NTNG1: variants seen among roughly 807,000 people sequenced by gnomAD.
NTNG1 encodes the protein netrin G1, also known as netrin-G1.
Under a neutral mutation model 54.0 loss-of-function variants are expected in NTNG1, and 16 were observed. The observed-to-expected ratio is 0.30, with a 90% CI of 0.20 to 0.45. The LOEUF is 0.45. NTNG1 is among the 20% of genes least tolerant of loss of function. The pLI, the probability that NTNG1 is intolerant of heterozygous loss-of-function variation, is 1.00. For missense variants in NTNG1, 530 were observed against 678.7 expected (o/e 0.78, Z 2.43); for synonymous variants, 255 against 263.1 (o/e 0.97, Z 0.30).
At chr1:107,168,586 A>G (rs146864142) in intron 2 of NTNG1, among the ~76,000 whole-genome samples, 30 of 152,236 alleles carry the variant, frequency 2.0e-4, no homozygotes, top group African/African-American at 4.6e-4. Context: ...GGACAACAAA[A>G]TAAACCCAAT....
rs1678701169 is a variant in NTNG1, at chr1:107,481,333, G to A, written c.*493G>A. 6.4e-6 allele frequency: 1 copy of A among 156,250 alleles called. No individual in the cohort carries two copies. The highest frequency in any genetic ancestry group is 2.0e-4 in the South Asian group (1 of 4,938). The allele number at this position is 156,250 out of a possible 1,614,324, so 9.7% of individuals were successfully genotyped here. A position where few individuals can be genotyped will look rare whatever the true frequency, so the allele number is the denominator to read the frequency against. ...TCCGTCCCTGAATCCCTTCCAACCTGTGCTTTAGTGAACGTTGCTCTGTAA... is the reference window on the plus strand; with the variant it reads ...TCCGTCCCTGAATCCCTTCCAACCTATGCTTTAGTGAACGTTGCTCTGTAA... On this transcript the variant is annotated 3_prime_UTR_variant, in exon 8 of 8. Coordinates refer to ENST00000370068, the MANE Select transcript of NTNG1 (RefSeq NM_001113226.3).
At chr1:107,419,084 G>A (rs777171659) in intron 5 of NTNG1, among the ~76,000 whole-genome samples, 17 of 151,880 alleles carry the variant, frequency 1.1e-4, no homozygotes, top group Non-Finnish European at 2.4e-4. Flanking sequence ...ATCTGTTTTC[G>A]CTGACTATTG....
chr1:107,219,898 A>G (rs1466455867), intron 2 of NTNG1, among the ~76,000 whole-genome samples: 7 of 152,132 alleles, frequency 4.6e-5, no homozygotes, highest in Admixed American at 2.0e-4. Flanking sequence ...GGCACTTTTA[A>G]GAGCACATTA....
rs190196909 is a variant in NTNG1, at chr1:107,206,546, C to T, written c.246+57707C>T. On this transcript the variant is annotated intron_variant, in intron 2 of 7. Transcript: ENST00000370068. ...ATCTCTCAAAATCTGCCATGATGTT[C>T]TTCTCATGTGCCTTTCACCCAGTGT... is the stretch of plus-strand genomic sequence containing the variant. 2.7e-3 allele frequency among the ~76,000 whole-genome samples: 416 copies of T among 152,202 alleles called. 2 individuals carry two copies. Among genetic ancestry groups the T allele is most frequent in the Non-Finnish European group, 4.9e-3 (332 of 68,004 alleles).
At chr1:107,351,332 A>T (rs1048274947) in intron 3 of NTNG1, among the ~76,000 whole-genome samples, 2 of 152,204 alleles carry the variant, frequency 1.3e-5, no homozygotes, top group East Asian at 3.8e-4. Flanking sequence ...ATTTATAAAG[A>T]AAAGATGTTC....
intron 5 of NTNG1, among the ~76,000 whole-genome samples, chr1:107,426,427 C>G (rs559202855): frequency 6.6e-6 from 1 of 152,066 alleles, no homozygotes; most frequent in East Asian, 1.9e-4. Flanking sequence ...GAATAGGGTG[C>G]TTTTCCCCAT....
At chr1:107,247,082 AGGCTCTGGT>A (rs1662252736) in intron 2 of NTNG1, among the ~76,000 whole-genome samples, 1 of 152,186 alleles carries the variant, frequency 6.6e-6, no homozygotes, top group African/African-American at 2.4e-5. Context: ...GACCACTGTG[AGGCTCTGGT>A]GGAAGAAGCC....
At chr1:107,350,735 C>T (rs1669550383) in intron 3 of NTNG1, among the ~76,000 whole-genome samples, 1 of 151,996 alleles carries the variant, frequency 6.6e-6, no homozygotes, top group African/African-American at 2.4e-5. Context: ...GAAATATAAG[C>T]CAGGCACAGA....
chr1:107,290,996 T>C (rs1029295025), intron 2 of NTNG1, among the ~76,000 whole-genome samples: 16 of 144,882 alleles, frequency 1.1e-4, no homozygotes, highest in Non-Finnish European at 4.5e-5. Flanking sequence ...CACACACACA[T>C]ACATACACAC....
At chr1:107,279,643 C>A (rs56725515) in intron 2 of NTNG1, among the ~76,000 whole-genome samples, 15,086 of 152,134 alleles carry the variant, frequency 0.099, 889 homozygotes, top group South Asian at 0.2. Context: ...TAGCTTCCTC[C>A]AAAGAAAAAT....
At chr1:107,476,586 C>T (rs1395841711) in intron 7 of NTNG1, among the ~76,000 whole-genome samples, 2 of 152,170 alleles carry the variant, frequency 1.3e-5, no homozygotes, top group East Asian at 1.9e-4. Flanking sequence ...AAACAGGAAG[C>T]TTAGACTCTC....
rs568102134 is a variant in NTNG1, at chr1:107,323,367, G to A, written c.247-915G>A. 2.0e-5 allele frequency among the ~76,000 whole-genome samples: 3 copies of A among 152,242 alleles called. No homozygotes were observed. The South Asian group carries it at 6.2e-4, about 32-fold the overall frequency. On this transcript the variant is annotated intron_variant, in intron 2 of 7. Transcript: ENST00000370068. ...AGCCATTTAGTGTAGCATAAGCAGT[G>A]TTGTAACTTGTAATATAACTAGGAG... is the stretch of plus-strand genomic sequence containing the variant.
At chr1:107,354,463 C>A (rs1466107383) in intron 3 of NTNG1, among the ~76,000 whole-genome samples, 1 of 103,454 alleles carries the variant, frequency 9.7e-6, no homozygotes, top group Non-Finnish European at 1.9e-5. Context: ...ACTGAGACTC[C>A]ATCTCAAAAA....
chr1:107,173,561 A>G (rs545231407), intron 2 of NTNG1, among the ~76,000 whole-genome samples: 2 of 152,276 alleles, frequency 1.3e-5, no homozygotes, highest in South Asian at 2.1e-4. Context: ...AGCACACTCA[A>G]TGCCTTAGAA....
chr1:107,417,189 G>A (rs997060715), intron 5 of NTNG1, among the ~76,000 whole-genome samples: 1 of 152,016 alleles, frequency 6.6e-6, no homozygotes, highest in African/African-American at 2.4e-5. Context: ...AATAACACCT[G>A]AGTACAGATG....
At chr1:107,299,347 G>A (rs1015519513) in intron 2 of NTNG1, among the ~76,000 whole-genome samples, 1 of 152,092 alleles carries the variant, frequency 6.6e-6, no homozygotes, top group Non-Finnish European at 1.5e-5. Flanking sequence ...AATAAAAATT[G>A]TAATAACAAA....
rs539821067 is a variant in NTNG1, at chr1:107,347,953, C to T, written c.887+23031C>T. Among the ~76,000 whole-genome samples, 12 of 152,192 alleles carry T rather than the reference C, an allele frequency of 7.9e-5. No individual in the cohort carries two copies. The South Asian group carries it at 2.5e-3, about 32-fold the overall frequency. ...CTTCCACTTGGTCCCACCCTTGACACGTGGTGATCATGAGGATTACAATTT... is the reference window on the plus strand; with the variant it reads ...CTTCCACTTGGTCCCACCCTTGACATGTGGTGATCATGAGGATTACAATTT... On this transcript the variant is annotated intron_variant, in intron 3 of 7. Transcript: ENST00000370068.
At chr1:107,219,965 G>T (rs1338184554) in intron 2 of NTNG1, among the ~76,000 whole-genome samples, 1 of 152,134 alleles carries the variant, frequency 6.6e-6, no homozygotes, top group East Asian at 1.9e-4. Context: ...CTCCCAAGAG[G>T]CTATGTCCTT....
rs141985942 is a variant in NTNG1 at position 107,231,079 on chromosome 1, T to G, written c.246+82240T>G. Among the ~76,000 whole-genome samples, 59 of 152,328 alleles carry G rather than the reference T, an allele frequency of 3.9e-4. No homozygotes were observed. In the East Asian group the frequency reaches 0.011, roughly 28 times the overall value. On this transcript the variant is annotated intron_variant, in intron 2 of 7. Transcript: ENST00000370068. ...CCAAATGTATGATGAAGTACTTGAC[T>G]GAGAGTCTCTGTTTCCTTGCCTGTA...
Sources: allele counts gnomAD v4.1 joint callset (sites outside exome capture counted in the v4.1 genomes callset), GRCh38; gene constraint gnomAD v4.1.1; transcripts MANE v1.5; gene names NCBI Gene and HGNC (gene_info 2026-07-23, HGNC 2026-07-21).